The following FSTL5 variants were observed in gnomAD, a reference collection of about 807,000 sequenced individuals.
FSTL5 encodes the protein follistatin-related protein 5.
In FSTL5, 62 loss-of-function variants were observed where a neutral mutation model predicts 89.1. The observed-to-expected ratio is 0.70, with a 90% CI of 0.57 to 0.86. The LOEUF is 0.86. Ranked by LOEUF, FSTL5 falls within the 40% of genes least tolerant of loss-of-function variation. FSTL5 has a pLI of 0.00. For missense variants in FSTL5, 1,057 were observed against 1,001.6 expected (o/e 1.06, Z -0.75); for synonymous variants, 383 against 346.2 (o/e 1.11, Z -1.18).
At chr4:161,651,623 C>A (rs1473502293) in intron 7 of FSTL5, among the ~76,000 whole-genome samples, 1 of 152,134 alleles carries the variant, frequency 6.6e-6, no homozygotes, top group Non-Finnish European at 1.5e-5. Flanking sequence ...ACAGTGTTAA[C>A]AGATTTAAAG....
rs1730559421 is a variant in FSTL5 at position 161,823,481 on chromosome 4, C to A, written c.410-47407G>T. Among the ~76,000 whole-genome samples, 4 of 152,210 alleles carry A rather than the reference C, an allele frequency of 2.6e-5. No homozygotes were observed. In the South Asian group the frequency reaches 8.3e-4, roughly 31 times the overall value. ...CAACCAGGTTACAACAACAGCCAGG[C>A]TTAGCCGCAACTTTGCTCCACACCA... On this transcript the variant is annotated intron_variant, in intron 4 of 15. Coordinates refer to ENST00000306100, the MANE Select transcript of FSTL5 (RefSeq NM_020116.5).
chr4:162,071,615 G>A (rs767365630), intron 2 of FSTL5, among the ~76,000 whole-genome samples: 6 of 151,680 alleles, frequency 4.0e-5, no homozygotes, highest in African/African-American at 7.2e-5. Flanking sequence ...TAGAAACCTT[G>A]AACTTAACTG....
At chr4:161,464,568 T>C (rs1458731218) in intron 13 of FSTL5, among the ~76,000 whole-genome samples, 1 of 152,208 alleles carries the variant, frequency 6.6e-6, no homozygotes, top group Non-Finnish European at 1.5e-5. Context: ...TTATTTCTTA[T>C]TGTCTGCCTC....
At chr4:161,685,400 G>A (rs1374210344) in intron 6 of FSTL5, among the ~76,000 whole-genome samples, 1 of 152,032 alleles carries the variant, frequency 6.6e-6, no homozygotes, top group Non-Finnish European at 1.5e-5. Context: ...GTTTCCATTT[G>A]TTTGTGTCAT....
At chr4:161,566,094 T>TG (rs1462597592) in intron 8 of FSTL5, among the ~76,000 whole-genome samples, 8 of 106,454 alleles carry the variant, frequency 7.5e-5, no homozygotes, top group Non-Finnish European at 1.5e-4. Flanking sequence ...TTTCTTTTTT[T>TG]TTGGACTATA....
chr4:161,655,111 A>G (rs904471809), intron 7 of FSTL5, among the ~76,000 whole-genome samples: 3 of 152,134 alleles, frequency 2.0e-5, no homozygotes, highest in Non-Finnish European at 4.4e-5. Context: ...GTTGAAAGCA[A>G]AAAGTGTCTT....
chr4:162,110,051 G>A (rs1376464345), intron 2 of FSTL5, among the ~76,000 whole-genome samples: 3 of 151,946 alleles, frequency 2.0e-5, no homozygotes, highest in Non-Finnish European at 4.4e-5. Flanking sequence ...AATTGCATAT[G>A]TCAAGACTAG....
intron 2 of FSTL5, among the ~76,000 whole-genome samples, chr4:162,039,591 A>G (rs1737870684): frequency 6.6e-6 from 1 of 151,956 alleles, no homozygotes; most frequent in African/African-American, 2.4e-5. Context: ...CAGGAGAAAA[A>G]AACGCACTAC....
intron 10 of FSTL5, among the ~76,000 whole-genome samples, chr4:161,535,768 C>T (rs1731587774): frequency 6.6e-6 from 1 of 151,926 alleles, no homozygotes; most frequent in East Asian, 1.9e-4. Flanking sequence ...ATCATTCTAC[C>T]GAACAGACAC....
chr4:161,839,354 G>T (rs766409308), intron 4 of FSTL5, among the ~76,000 whole-genome samples: 2 of 152,096 alleles, frequency 1.3e-5, no homozygotes, highest in Non-Finnish European at 2.9e-5. Context: ...TCTACAGACT[G>T]TATAGACACA....
chr4:161,549,813 A>G (rs1732137105), intron 8 of FSTL5, among the ~76,000 whole-genome samples: 1 of 151,886 alleles, frequency 6.6e-6, no homozygotes, highest in South Asian at 2.1e-4. Context: ...TCCAAAACCA[A>G]TCTGAGACTC....
chr4:161,825,039 G>A (rs1430784802), intron 4 of FSTL5, among the ~76,000 whole-genome samples: 2 of 152,000 alleles, frequency 1.3e-5, no homozygotes, highest in African/African-American at 4.8e-5. Flanking sequence ...TGTCATAGAT[G>A]GCTTTTATTA....
chr4:162,142,495 TAAA>T (rs1228606802), intron 1 of FSTL5, among the ~76,000 whole-genome samples: 1 of 152,038 alleles, frequency 6.6e-6, no homozygotes, highest in Non-Finnish European at 1.5e-5. Flanking sequence ...TGGCATAAAA[TAAA>T]GAAGAGAAAC....
intron 3 of FSTL5, among the ~76,000 whole-genome samples, chr4:161,927,998 T>C (rs938864371): frequency 6.6e-6 from 1 of 151,708 alleles, no homozygotes; most frequent in African/African-American, 2.4e-5. Flanking sequence ...GTACCTAGTG[T>C]GGTACTTCGT....
At chr4:162,063,033 T>G (rs1388199455) in intron 2 of FSTL5, among the ~76,000 whole-genome samples, 1 of 151,894 alleles carries the variant, frequency 6.6e-6, no homozygotes, top group Non-Finnish European at 1.5e-5. Flanking sequence ...TCCGTCAAGA[T>G]ATTTTCTGAA....
At chr4:161,579,372 T>C (rs1024934324) in intron 8 of FSTL5, among the ~76,000 whole-genome samples, 4 of 152,138 alleles carry the variant, frequency 2.6e-5, no homozygotes, top group Non-Finnish European at 5.9e-5. Flanking sequence ...AATGGAATTC[T>C]AAATGTTATG....
intron 12 of FSTL5, among the ~76,000 whole-genome samples, chr4:161,488,340 G>A (rs1293885205): frequency 6.6e-6 from 1 of 151,960 alleles, no homozygotes; most frequent in East Asian, 1.9e-4. Context: ...CACACTGTTA[G>A]GTAGCATGGT....
At chr4:161,804,612 C>G (rs1032008463) in intron 4 of FSTL5, among the ~76,000 whole-genome samples, 5 of 151,520 alleles carry the variant, frequency 3.3e-5, no homozygotes, top group South Asian at 4.2e-4. Flanking sequence ...ATTTATATTA[C>G]CTTTTAAATT....
chr4:161,570,083 AT>A (rs1732955688), intron 8 of FSTL5, among the ~76,000 whole-genome samples: 1 of 152,202 alleles, frequency 6.6e-6, no homozygotes, highest in Admixed American at 6.5e-5. Flanking sequence ...AGTGGAATGT[AT>A]CCTTATTTCA....
Sources: allele counts gnomAD v4.1 joint callset (sites outside exome capture counted in the v4.1 genomes callset), GRCh38; gene constraint gnomAD v4.1.1; transcripts MANE v1.5; gene names NCBI Gene and HGNC (gene_info 2026-07-23, HGNC 2026-07-21).